The following BMP7 variants were observed in gnomAD, a reference collection of about 807,000 sequenced individuals.
BMP7 encodes bone morphogenetic protein 7.
A neutral mutation model predicts 41.2 loss-of-function variants in BMP7; 12 were observed. The observed-to-expected ratio is 0.29, with a 90% confidence interval of 0.19 to 0.47. The LOEUF is 0.47. Among genes scored for constraint, BMP7 ranks in the 20% least tolerant of loss-of-function variants. The probability of loss-of-function intolerance (pLI) is 0.99; values close to 1 mark genes in which losing one functional copy is unlikely to be tolerated. For missense variants in BMP7, 467 were observed against 606.0 expected (o/e 0.77, Z 2.41); for synonymous variants, 248 against 250.0 (o/e 0.99, Z 0.07).
chr20:57,258,422 T>C (rs1034655710), intron 1 of BMP7, among the ~76,000 whole-genome samples: 1 of 152,230 alleles, frequency 6.6e-6, no homozygotes, highest in Non-Finnish European at 1.5e-5. Flanking sequence ...GCAGTTCTGT[T>C]AATGAATGCT....
chr20:57,261,141 G>A lies in BMP7; in HGVS notation c.418+4564C>T, dbSNP rs2066152520. ...CGGACACGTGATATTCACTCACATC[G>A]CAGGCATTCCGGTGGTGAGGGGATC... On this transcript the variant is annotated intron_variant, in intron 1 of 6. Coordinates refer to ENST00000395863, the MANE Select transcript of BMP7 (RefSeq NM_001719.3). The surrounding 1 kb of genome is among the most constrained non-coding windows in gnomAD (Gnocchi z 4.1). Among the ~76,000 whole-genome samples, 1 of 152,200 alleles carries A rather than the reference G, an allele frequency of 6.6e-6. No individual in the cohort carries two copies. Among genetic ancestry groups the A allele is most frequent in the Admixed American group, 6.5e-5 (1 of 15,288 alleles).
chr20:57,183,882 C>T lies in BMP7; in HGVS notation c.798G>A (p.Gly266=). Reference sequence around the variant, plus strand: ...GCTGCTTGTTCTGGGGCCCGTGCCGCCCAATCAGGCCCGCCAACTTGGGGT... The same window carrying T: ...GCTGCTTGTTCTGGGGCCCGTGCCGTCCAATCAGGCCCGCCAACTTGGGGT... ...SINPKLAGLI[G]RHGPQNKQPF... The change falls in exon 4 of 7, where the codon GGG becomes GGA. Residue 266 remains glycine (G), a synonymous_variant. Transcript: ENST00000395863. The T allele has an allele frequency of 6.2e-7, 1 of 1,614,086 alleles. No individual in the cohort carries two copies. The highest frequency in any genetic ancestry group is 8.5e-7 in the Non-Finnish European group (1 of 1,180,046).
In BMP7 at chr20:57,228,354, C is replaced by T; in HGVS notation, c.486G>A (p.Lys162=). Residue 162 remains lysine, a synonymous_variant, in exon 2 of 7, where the codon AAG becomes AAA. Coordinates refer to ENST00000395863, the MANE Select transcript of BMP7 (RefSeq NM_001719.3). This position sits in a 1 kb window ranked among gnomAD's most constrained non-coding sequence, Gnocchi z 4.5. The part of the protein sequence containing the change: ...HHREFRFDLS[K]IPEGEAVTAA... ...CCGTGACAGCTTCCCCTTCTGGGAT[C>T]TTGGAAAGATCAAACCGGAACTCTC... 1.2e-6 allele frequency: 2 copies of T among 1,614,140 alleles called. No homozygotes were observed. Among genetic ancestry groups the T allele is most frequent in the Non-Finnish European group, 1.7e-6 (2 of 1,180,024 alleles).
chr20:57,196,716 G>C (rs1228773694), intron 3 of BMP7, among the ~76,000 whole-genome samples: 1 of 152,140 alleles, frequency 6.6e-6, no homozygotes, highest in African/African-American at 2.4e-5. Context: ...GAAAGTTTTG[G>C]TTTTTAATTC....
intron 2 of BMP7, among the ~76,000 whole-genome samples, chr20:57,207,811 GTTTTTTTTTTT>G (rs572613876): frequency 9.1e-6 from 1 of 109,980 alleles, no homozygotes; most frequent in Admixed American, 9.4e-5. Flanking sequence ...ACCCCAGTTG[GTTTTTTTTTTT>G]TTTTTTTTTT....
chr20:57,186,654 A>G (rs535005488), intron 3 of BMP7, among the ~76,000 whole-genome samples: 1 of 152,262 alleles, frequency 6.6e-6, no homozygotes, highest in East Asian at 1.9e-4. Context: ...GGTGCCCCCA[A>G]GTTAGATGGG....
At chr20:57,193,974 ACAGCCATGCC>A (rs995760117) in intron 3 of BMP7, among the ~76,000 whole-genome samples, 3 of 152,140 alleles carry the variant, frequency 2.0e-5, no homozygotes, top group African/African-American at 7.2e-5. Flanking sequence ...TGCGGACCCC[ACAGCCATGCC>A]CAGCCCCCTC....
chr20:57,202,706 A>AT, intron 2 of BMP7, 83 bp from the exon 3 acceptor site: 1 of 510,656 alleles, frequency 2.0e-6, no homozygotes, highest in Non-Finnish European at 3.8e-6. Flanking sequence ...GCAGAGCCTC[A>AT]TGGGGTGGGA....
intron 2 of BMP7, among the ~76,000 whole-genome samples, chr20:57,219,316 G>GGCGTTCGGT: frequency 7.9e-6 from 1 of 125,832 alleles, no homozygotes; most frequent in African/African-American, 5.9e-5. Context: ...GTGGGAAGGT[G>GGCGTTCGGT]GGAAGAAGAC....
chr20:57,236,500 G>A (rs2066048384), intron 1 of BMP7, among the ~76,000 whole-genome samples: 3 of 152,132 alleles, frequency 2.0e-5, no homozygotes, highest in African/African-American at 4.8e-5. Flanking sequence ...AGTTATGCAC[G>A]AAAAATGCAT....
Position 57,171,933 on chromosome 20 carries a change from C to T in BMP7, c.1147-825G>A, listed in dbSNP as rs1983824412. 6.6e-6 allele frequency among the ~76,000 whole-genome samples: 1 copy of T among 152,250 alleles called. No homozygotes were observed. Among genetic ancestry groups the T allele is most frequent in the Admixed American group, 6.5e-5 (1 of 15,288 alleles). ...TTAAAGCAAATTCCAGCCATCAGCTCATTTCCTCTGGAAGCATTTCATCAG... is the reference window on the plus strand; with the variant it reads ...TTAAAGCAAATTCCAGCCATCAGCTTATTTCCTCTGGAAGCATTTCATCAG... On this transcript the variant is annotated intron_variant, in intron 6 of 6. Coordinates refer to ENST00000395863, the MANE Select transcript of BMP7 (RefSeq NM_001719.3). The surrounding 1 kb of genome is among the most constrained non-coding windows in gnomAD (Gnocchi z 4.5).
chr20:57,171,065 G>A lies in BMP7; in HGVS notation c.1190C>T (p.Ala397Val), dbSNP rs374290827. ...GGAGATGGCATTGAGCTGCGTGGGCGCACAGCAGGGCTTGGGCACCGTTTC... is the reference window on the plus strand; with the variant it reads ...GGAGATGGCATTGAGCTGCGTGGGCACACAGCAGGGCTTGGGCACCGTTTC... ...NPETVPKPCC[A>V]PTQLNAISVL... Residue 397 changes from alanine (A) to valine (V), a missense_variant, in exon 7 of 7, where the codon GCG (alanine) becomes GTG (valine). This residue lies in a region of BMP7 where 60 missense variants were observed against 120.1 expected (regional missense o/e 0.50). Transcript: ENST00000395863. The surrounding 1 kb of genome is among the most constrained non-coding windows in gnomAD (Gnocchi z 4.5). The A allele has an allele frequency of 3.1e-6, 5 of 1,614,100 alleles. No homozygotes were observed. Among genetic ancestry groups the A allele is most frequent in the Admixed American group, 3.3e-5 (2 of 60,012 alleles).
chr20:57,181,355 G>A (rs1046944200), intron 4 of BMP7, among the ~76,000 whole-genome samples: 1 of 152,014 alleles, frequency 6.6e-6, no homozygotes, highest in African/African-American at 2.4e-5. Flanking sequence ...AAATAGCCAG[G>A]TGTGGTGGCA....
Position 57,170,781 on chromosome 20 carries a change from G to GA in BMP7, c.*177dup. 1.2e-6 allele frequency: 1 copy of GA among 809,250 alleles called. No homozygotes were observed. Among genetic ancestry groups the GA allele is most frequent in the South Asian group, 1.6e-5 (1 of 63,374 alleles). The allele number at this position is 809,250 out of a possible 1,614,324, so 50.1% of individuals were successfully genotyped here. On this transcript the variant is annotated 3_prime_UTR_variant, in exon 7 of 7. Transcript: ENST00000395863. ...ATCTTGTTCATTGGATGCTGCCACT[G>GA]AAAAACTGATCAAAAGCCATATGCT...
At chr20:57,209,244 T>TAC (rs1199103356) in intron 2 of BMP7, among the ~76,000 whole-genome samples, 1 of 79,228 alleles carries the variant, frequency 1.3e-5, no homozygotes, top group Non-Finnish European at 2.5e-5. Context: ...TAGATTTATA[T>TAC]ATTTTTATAT....
rs1418888756 is a variant in BMP7 at position 57,171,176 on chromosome 20, T to G, written c.1147-68A>C. 7.5e-6 allele frequency: 12 copies of G among 1,603,112 alleles called. No homozygotes were observed. The Admixed American group carries it at 2.0e-4, about 27-fold the overall frequency. On this transcript the variant is annotated intron_variant, in intron 6 of 6. Coordinates refer to ENST00000395863, the MANE Select transcript of BMP7 (RefSeq NM_001719.3). The surrounding 1 kb of genome is among the most constrained non-coding windows in gnomAD (Gnocchi z 4.5). The stretch of plus-strand genomic sequence containing the variant: ...AGTCGTTCTAACTGGCCTCCACGTT[T>G]CTATAAAGAAACATCCTGTCTGGGC...
rs1427728665 is a variant in BMP7, at chr20:57,214,711, C to T, written c.612-12088G>A. Among the ~76,000 whole-genome samples, 3 of 152,236 alleles carry T rather than the reference C, an allele frequency of 2.0e-5. No homozygotes were observed. Among genetic ancestry groups the T allele is most frequent in the Non-Finnish European group, 4.4e-5 (3 of 68,046 alleles). On this transcript the variant is annotated intron_variant, in intron 2 of 6. Coordinates refer to ENST00000395863, the MANE Select transcript of BMP7 (RefSeq NM_001719.3). The surrounding 1 kb of genome is among the most constrained non-coding windows in gnomAD (Gnocchi z 4.0). The stretch of plus-strand genomic sequence containing the variant: ...GCCCTAATGGTGCATCCACGTCGGA[C>T]ACGCTCCAAGCCCAAGTCCTCTCCC...
At chr20:57,194,986 G>A (rs763433250) in intron 3 of BMP7, among the ~76,000 whole-genome samples, 5 of 152,224 alleles carry the variant, frequency 3.3e-5, no homozygotes, top group Non-Finnish European at 7.3e-5. Context: ...AAGGTAGGAG[G>A]GATTCACTGA....
intron 2 of BMP7, among the ~76,000 whole-genome samples, chr20:57,209,092 G>C (rs1568715315): frequency 6.6e-6 from 1 of 151,964 alleles, no homozygotes; most frequent in Non-Finnish European, 1.5e-5. Context: ...GCTGAGGCGT[G>C]TGGATCACCC....
Sources: allele counts gnomAD v4.1 joint callset (sites outside exome capture counted in the v4.1 genomes callset), GRCh38; gene constraint gnomAD v4.1.1; regional missense constraint gnomAD v4.1.1; non-coding constraint Gnocchi (gnomAD v3.1); transcripts MANE v1.5; gene names NCBI Gene and HGNC (gene_info 2026-07-23, HGNC 2026-07-21).